Variants in NAV2 observed in about 807,000 individuals in gnomAD.
NAV2 encodes neuron navigator 2, also known as helicase, APC down-regulated 1.
In NAV2, 54 loss-of-function variants were observed where a neutral mutation model predicts 223.2. The observed-to-expected ratio is 0.24, with a 90% CI of 0.19 to 0.30. The LOEUF (loss-of-function observed/expected upper bound fraction) is 0.30, where lower values mean the gene tolerates loss of function less well. Ranked by LOEUF, NAV2 falls within the 10% of genes least tolerant of loss-of-function variation. NAV2 has a pLI of 1.00. For missense variants in NAV2, 2,806 were observed against 3,147.5 expected, an observed-to-expected ratio of 0.89 and a Z score of 2.60; for synonymous variants, 1,279 against 1,239.3, an observed-to-expected ratio of 1.03 and a Z score of -0.67.
chr11:19,473,865 G>A (rs1206188338), intron 1 of NAV2, among the ~76,000 whole-genome samples: 2 of 152,274 alleles, frequency 1.3e-5, no homozygotes, highest in African/African-American at 2.4e-5. Flanking sequence ...CAAGCTTCCC[G>A]GAGGAGACCA....
intron 1 of NAV2, among the ~76,000 whole-genome samples, chr11:19,515,975 T>G (rs2134273017): frequency 6.6e-6 from 1 of 152,300 alleles, no homozygotes; most frequent in South Asian, 2.1e-4. Flanking sequence ...GTGCAGCAGG[T>G]TTGGGAGAGA....
intron 1 of NAV2, among the ~76,000 whole-genome samples, chr11:19,682,597 A>G (rs1323653618): frequency 6.6e-6 from 1 of 152,234 alleles, no homozygotes; most frequent in African/African-American, 2.4e-5. Context: ...TCTGAAGGCT[A>G]TACAAGCATG....
intron 11 of NAV2, among the ~76,000 whole-genome samples, chr11:20,013,209 GA>G (rs2053712834): frequency 3.3e-4 from 2 of 5,982 alleles, no homozygotes; most frequent in South Asian, 0.17. Flanking sequence ...ATCATACTGG[GA>G]TATGTGAGTT....
chr11:19,836,846 A>G (rs1002659830), intron 2 of NAV2, among the ~76,000 whole-genome samples: 9 of 152,112 alleles, frequency 5.9e-5, no homozygotes, highest in Admixed American at 2.6e-4. Context: ...ATGTCTTGGG[A>G]GGGCCCACTT....
chr11:19,704,159 G>A (rs1285942557), intron 1 of NAV2, among the ~76,000 whole-genome samples: 4 of 152,070 alleles, frequency 2.6e-5, no homozygotes, highest in Non-Finnish European at 5.9e-5. Context: ...CTCAGAGCAC[G>A]AACATCACGC....
chr11:19,984,300 C>T (rs200263374), intron 11 of NAV2, 53 bp downstream of exon 11: 4 of 1,199,476 alleles, frequency 3.3e-6, no homozygotes, highest in Admixed American at 2.5e-5. Context: ...CCCAGGGGGG[C>T]CCTGAGAAAT....
At chr11:19,398,078 G>A (rs564132270) in intron 1 of NAV2, among the ~76,000 whole-genome samples, 34 of 152,224 alleles carry the variant, frequency 2.2e-4, no homozygotes, top group African/African-American at 7.9e-4. Flanking sequence ...ATAAAGAAAT[G>A]CCTGAGACTG....
chr11:19,950,148 G>A (rs1174610160), intron 10 of NAV2, among the ~76,000 whole-genome samples: 1 of 152,204 alleles, frequency 6.6e-6, no homozygotes, highest in African/African-American at 2.4e-5. Flanking sequence ...CACCTTGAAT[G>A]TTCTAGCTGT....
intron 1 of NAV2, among the ~76,000 whole-genome samples, chr11:19,677,350 C>T (rs16937109): frequency 0.028 from 4,225 of 152,268 alleles, 133 homozygotes; most frequent in East Asian, 0.08. Context: ...TCCCTGGCTG[C>T]GGGAAGAAAG....
At chr11:19,670,989 C>T (rs1318883661) in intron 1 of NAV2, among the ~76,000 whole-genome samples, 1 of 152,318 alleles carries the variant, frequency 6.6e-6, no homozygotes, top group Non-Finnish European at 1.5e-5. Context: ...CCCGCTATGC[C>T]AAGAGTCTGG....
At chr11:19,888,513 A>G (rs1158546974) in intron 5 of NAV2, among the ~76,000 whole-genome samples, 1 of 152,190 alleles carries the variant, frequency 6.6e-6, no homozygotes, top group Non-Finnish European at 1.5e-5. Context: ...TCAAAATGTT[A>G]GCCAGAGGCC....
At position 19,511,091 on chromosome 11, in the gene NAV2, T is replaced by G. The variant is rs78339184; in HGVS notation, c.75+160064T>G. The G allele has an allele frequency of 1.6e-3, 243 of 152,322 alleles. 1 individual carries two copies. Among genetic ancestry groups the G allele is most frequent in the African/African-American group, 5.5e-3 (228 of 41,556 alleles). The allele number at this position is 152,322 out of a possible 1,614,324, so 9.4% of individuals were successfully genotyped here. On this transcript the variant is annotated intron_variant, in intron 1 of 37. Coordinates refer to the NAV2 transcript ENST00000360655. ...AACAAGTCCAGGAGGTTCAAGGGACTCATCAGGATCACACAGCCAGAAAAT... is the reference window on the plus strand; with the variant it reads ...AACAAGTCCAGGAGGTTCAAGGGACGCATCAGGATCACACAGCCAGAAAAT...
chr11:19,915,545 G>T (rs2043732215), intron 6 of NAV2, among the ~76,000 whole-genome samples: 1 of 152,186 alleles, frequency 6.6e-6, no homozygotes, highest in Non-Finnish European at 1.5e-5. Flanking sequence ...CTCTGCCACT[G>T]CAGCTCTCCA....
chr11:19,564,799 G>T (rs1022888160), intron 1 of NAV2, among the ~76,000 whole-genome samples: 49 of 152,342 alleles, frequency 3.2e-4, no homozygotes, highest in African/African-American at 1.1e-3. Context: ...AAGAGGTCGG[G>T]TGACTTGCTC....
At chr11:20,072,666 T>G (rs1035752036) in intron 22 of NAV2, among the ~76,000 whole-genome samples, 33 of 152,292 alleles carry the variant, frequency 2.2e-4, no homozygotes, top group Non-Finnish European at 4.1e-4. Context: ...TTGTAAGTTG[T>G]ATTCCTAGGT....
chr11:19,807,093 A>G (rs1299601862), intron 1 of NAV2, among the ~76,000 whole-genome samples: 1 of 152,194 alleles, frequency 6.6e-6, no homozygotes, highest in Non-Finnish European at 1.5e-5. Flanking sequence ...GGCAAATGTG[A>G]TGTGTGCATT....
chr11:19,641,623 C>A lies in NAV2; in HGVS notation c.76-190861C>A, dbSNP rs181627225. ...ACTACACCATGGCTATGCAGACCCC[C>A]ACAAACACAGTGAGCGCTCACCTTC... On this transcript the variant is annotated intron_variant, in intron 1 of 37. Coordinates refer to the NAV2 transcript ENST00000360655. 1.3e-4 allele frequency among the ~76,000 whole-genome samples: 19 copies of A among 151,980 alleles called. No homozygotes were observed. The East Asian group carries it at 3.7e-3, about 29-fold the overall frequency.
intron 1 of NAV2, among the ~76,000 whole-genome samples, chr11:19,668,532 C>CAAAAAAAAAAA (rs762975832): frequency 4.6e-5 from 3 of 64,902 alleles, no homozygotes; most frequent in Non-Finnish European, 5.2e-5. Flanking sequence ...GACTCGGTCT[C>CAAAAAAAAAAA]AAAAAAAAAA....
intron 36 of NAV2, among the ~76,000 whole-genome samples, chr11:20,110,487 T>C (rs1028350095): frequency 7.2e-5 from 11 of 152,186 alleles, no homozygotes; most frequent in African/African-American, 1.7e-4. Context: ...GTGAGTCTCT[T>C]AACAGATGAG....
Sources: gnomAD v4.1 joint callset for allele counts (sites outside exome capture counted in the v4.1 genomes callset) on GRCh38, gnomAD v4.1.1 for gene constraint, MANE v1.5 for transcripts, NCBI Gene and HGNC (gene_info 2026-07-23, HGNC 2026-07-21) for gene names.